Variants in OR51B5 observed in about 807,000 individuals in gnomAD.
OR51B5 encodes olfactory receptor family 51 subfamily B member 5.
For missense variants in OR51B5, 456 were observed against 374.6 expected (o/e 1.22, Z -1.79); for synonymous variants, 186 against 144.8 (o/e 1.28, Z -2.04).
chr11:5,484,538 G>A (rs1851473121), intron 1 of OR51B5, among the ~76,000 whole-genome samples: 1 of 152,172 alleles, frequency 6.6e-6, no homozygotes, highest in South Asian at 2.1e-4. Flanking sequence ...CCAATGCTGA[G>A]CCCAAAACCA....
chr11:5,388,583 C>T (rs547843775), intron 1 of OR51B5, among the ~76,000 whole-genome samples: 1 of 148,292 alleles, frequency 6.7e-6, no homozygotes, highest in Admixed American at 6.8e-5. Context: ...TGTTTAGTGT[C>T]ATTAACACCG....
At chr11:5,384,359 T>C (rs1323456989) in intron 1 of OR51B5, among the ~76,000 whole-genome samples, 2 of 152,194 alleles carry the variant, frequency 1.3e-5, no homozygotes, top group East Asian at 3.8e-4. Flanking sequence ...GATTTTTCAC[T>C]TGGAAAATGA....
At chr11:5,467,418 A>G (rs1206792842) in intron 1 of OR51B5, among the ~76,000 whole-genome samples, 1 of 152,214 alleles carries the variant, frequency 6.6e-6, no homozygotes, top group Non-Finnish European at 1.5e-5. Context: ...TGATCCTATG[A>G]GGAAAAAAAA....
chr11:5,389,463 C>T, intron 1 of OR51B5: 6 of 1,613,886 alleles, frequency 3.7e-6, no homozygotes, highest in Non-Finnish European at 3.4e-6. Context: ...CAGTTTAGCC[C>T]CATATTCTAT....
intron 1 of OR51B5, among the ~76,000 whole-genome samples, chr11:5,374,682 G>T (rs181213799): frequency 1.7e-3 from 257 of 152,324 alleles, no homozygotes; most frequent in African/African-American, 6.0e-3. Flanking sequence ...ATGACGTGAA[G>T]AATGGAGAAG....
downstream of OR51B5, chr11:5,341,038 T>C (rs1848884647): frequency 6.6e-6 from 1 of 152,186 alleles, no homozygotes; most frequent in Non-Finnish European, 1.5e-5. Context: ...TAAAGCTGAT[T>C]TTTTTATATG....
intron 1 of OR51B5, chr11:5,453,423 T>C: frequency 2.5e-6 from 3 of 1,197,366 alleles, no homozygotes; most frequent in Non-Finnish European, 3.5e-6. Flanking sequence ...CTCCAGCAAG[T>C]GCAACTGTTA....
At chr11:5,355,231 T>C in intron 1 of OR51B5, 1 of 176,988 alleles carries the variant, frequency 5.7e-6, no homozygotes, top group Non-Finnish European at 1.2e-5. Flanking sequence ...GTTTGAAGAG[T>C]TTAATGGTGA....
intron 1 of OR51B5, among the ~76,000 whole-genome samples, chr11:5,471,249 C>G (rs1260944828): frequency 1.3e-5 from 2 of 152,096 alleles, no homozygotes; most frequent in Non-Finnish European, 2.9e-5. Flanking sequence ...TGTGTTTCTT[C>G]TCATTTTATT....
chr11:5,439,545 T>C (rs1850643727), intron 1 of OR51B5, among the ~76,000 whole-genome samples: 1 of 152,194 alleles, frequency 6.6e-6, no homozygotes, highest in African/African-American at 2.4e-5. Flanking sequence ...TTAATAGATA[T>C]GGAAATAACT....
chr11:5,478,908 G>C (rs1352030206), intron 1 of OR51B5, among the ~76,000 whole-genome samples: 1 of 151,124 alleles, frequency 6.6e-6, no homozygotes, highest in East Asian at 1.9e-4. Flanking sequence ...AAGTGATGAG[G>C]AGAATGGAAC....
At position 5,342,875 on chromosome 11, in the gene OR51B5, A is replaced by AC. The variant is rs773250210; in HGVS notation, c.649dup (p.Val217GlyfsTer75). ...GCTCAGGACAGTCTTGAGTATCAAC[A>AC]CATAGGAGATGAAGATAATCAGATA... On this transcript the variant is annotated frameshift_variant, in exon 1 of 1. Transcript: ENST00000300773. LOFTEE classifies it low-confidence loss of function (END_TRUNC). The AC allele has an allele frequency of 6.2e-7, 1 of 1,613,388 alleles. No homozygotes were observed. The highest frequency in any genetic ancestry group is 8.5e-7 in the Non-Finnish European group (1 of 1,179,382).
chr11:5,406,744 G>T (rs930583365), intron 1 of OR51B5, among the ~76,000 whole-genome samples: 3 of 152,084 alleles, frequency 2.0e-5, no homozygotes, highest in Non-Finnish European at 4.4e-5. Context: ...AGGCAATGAG[G>T]ATGTAAAGAT....
intron 1 of OR51B5, among the ~76,000 whole-genome samples, chr11:5,369,665 T>G (rs1849421868): frequency 6.6e-6 from 1 of 152,200 alleles, no homozygotes; most frequent in Admixed American, 6.5e-5. Flanking sequence ...ATAATTTCCC[T>G]TTATAATCTG....
chr11:5,444,859 A>G lies in OR51B5; in HGVS notation n.84+60710T>C, dbSNP rs553046523. Among the ~76,000 whole-genome samples the G allele has an allele frequency of 7.2e-5, 11 of 152,296 alleles. No individual in the cohort carries two copies. In the South Asian group the frequency reaches 1.7e-3, roughly 23 times the overall value. On this transcript the variant is annotated intron_variant and non_coding_transcript_variant, in intron 1 of 4. Coordinates refer to the OR51B5 transcript ENST00000415970. ...TGGCACAATTATCCCTGATGTAATC[A>G]TCCATATCTATTAGTGTGTTAATCC...
chr11:5,343,186 C>T (rs1229250676), exon 1 of OR51B5: 2 of 1,613,736 alleles, frequency 1.2e-6, no homozygotes, highest in Admixed American at 3.3e-5. Flanking sequence ...CCATGGCAAG[C>T]AGAATGCCAG....
intron 1 of OR51B5, among the ~76,000 whole-genome samples, chr11:5,428,111 G>A (rs547983762): frequency 6.6e-6 from 1 of 151,726 alleles, no homozygotes; most frequent in Non-Finnish European, 1.5e-5. Flanking sequence ...TTTAAACTAA[G>A]TATATTTATA....
At chr11:5,390,037 G>A (rs2133728854) in intron 1 of OR51B5, 1 of 1,613,614 alleles carries the variant, frequency 6.2e-7, no homozygotes, top group South Asian at 1.1e-5. Flanking sequence ...ATGGACTGAT[G>A]GTGGTAGTTT....
intron 1 of OR51B5, among the ~76,000 whole-genome samples, chr11:5,420,170 T>A (rs1048509533): frequency 6.6e-5 from 10 of 151,998 alleles, no homozygotes; most frequent in Non-Finnish European, 1.5e-4. Flanking sequence ...ATTTTATCAT[T>A]TACTACCAGA....
Sources: allele counts gnomAD v4.1 joint callset (sites outside exome capture counted in the v4.1 genomes callset), GRCh38; gene constraint gnomAD v4.1.1; transcripts MANE v1.5; gene names NCBI Gene and HGNC (gene_info 2026-07-23, HGNC 2026-07-21).